The following MCTP2 variants were observed in gnomAD, a reference collection of about 807,000 sequenced individuals.
MCTP2 encodes the protein multiple C2 and transmembrane domain-containing protein 2.
In MCTP2, 132 loss-of-function variants were observed where a neutral mutation model predicts 111.6. That is an observed-to-expected ratio of 1.18 (90% confidence interval 1.03 to 1.37). MCTP2 has a LOEUF of 1.37. MCTP2 is among the 40% of genes most tolerant of loss of function. The probability of loss-of-function intolerance (pLI) is 0.00; values close to 1 mark genes in which losing one functional copy is unlikely to be tolerated. For synonymous variants in MCTP2, 395 were observed against 387.7 expected (o/e 1.02, Z -0.22); for missense variants, 1,183 against 1,067.9 (o/e 1.11, Z -1.50).
intron 1 of MCTP2, among the ~76,000 whole-genome samples, chr15:94,288,062 A>C (rs2074846560): frequency 6.6e-6 from 1 of 152,220 alleles, no homozygotes; most frequent in Non-Finnish European, 1.5e-5. Context: ...AGAAGCAAAA[A>C]TAATGGGTTA....
chr15:94,368,606 C>T (rs2079322334), intron 11 of MCTP2, among the ~76,000 whole-genome samples: 1 of 151,684 alleles, frequency 6.6e-6, no homozygotes, highest in South Asian at 2.1e-4. Flanking sequence ...TTGAATAATT[C>T]TGTATCTTCG....
At chr15:94,472,080 AAAG>A (rs1262569955) in intron 21 of MCTP2, among the ~76,000 whole-genome samples, 2 of 152,206 alleles carry the variant, frequency 1.3e-5, no homozygotes, top group South Asian at 2.1e-4. Context: ...TTCCTTCCAC[AAAG>A]AAGACTAATA....
At chr15:94,435,326 G>A (rs1184989131) in intron 17 of MCTP2, among the ~76,000 whole-genome samples, 2 of 152,060 alleles carry the variant, frequency 1.3e-5, no homozygotes, top group African/African-American at 2.4e-5. Context: ...ATTCTGTAAT[G>A]TTTCTTAATA....
intron 21 of MCTP2, among the ~76,000 whole-genome samples, chr15:94,475,866 C>A (rs941752607): frequency 6.6e-6 from 1 of 152,058 alleles, no homozygotes; most frequent in Admixed American, 6.5e-5. Context: ...CAAGGTGCAG[C>A]CACCAAAGAG....
At chr15:94,317,120 C>A (rs2076411053) in intron 4 of MCTP2, among the ~76,000 whole-genome samples, 1 of 152,092 alleles carries the variant, frequency 6.6e-6, no homozygotes, top group Non-Finnish European at 1.5e-5. Context: ...ACAATCCCAT[C>A]CCTTTTTGAG....
chr15:94,368,534 A>G (rs11854278), intron 11 of MCTP2, among the ~76,000 whole-genome samples: 4,810 of 152,280 alleles, frequency 0.032, 261 homozygotes, highest in African/African-American at 0.11. Flanking sequence ...CAATGGCACT[A>G]TCATTCTCAG....
At chr15:94,268,272 C>T (rs2073699388) in intron 1 of MCTP2, among the ~76,000 whole-genome samples, 1 of 151,424 alleles carries the variant, frequency 6.6e-6, no homozygotes, top group Admixed American at 6.6e-5. Flanking sequence ...CCTCCGCCTC[C>T]TGGGTTCCAG....
intron 17 of MCTP2, among the ~76,000 whole-genome samples, chr15:94,429,996 G>C (rs1231307959): frequency 6.6e-6 from 1 of 152,050 alleles, no homozygotes; most frequent in Non-Finnish European, 1.5e-5. Context: ...CAACTCCTCT[G>C]TCCCTACTTT....
At chr15:94,470,181 G>T in intron 20 of MCTP2, 152 bp from the exon 21 acceptor site, 1 of 584,004 alleles carries the variant, frequency 1.7e-6, no homozygotes, top group Non-Finnish European at 3.0e-6. Flanking sequence ...AATCATTTTG[G>T]CAGACTCTCA....
chr15:94,303,180 T>A (rs1282828230), intron 2 of MCTP2, among the ~76,000 whole-genome samples: 3 of 126,332 alleles, frequency 2.4e-5, no homozygotes, highest in Admixed American at 8.3e-5. Flanking sequence ...ACTAATGGAA[T>A]ATATATATAT....
At chr15:94,407,775 G>GCACACACACA (rs57851445) in intron 17 of MCTP2, among the ~76,000 whole-genome samples, 5 of 147,804 alleles carry the variant, frequency 3.4e-5, no homozygotes, top group South Asian at 2.2e-4. Context: ...ATGTACTTGT[G>GCACACACACA]CACACACACA....
At chr15:94,431,426 A>T (rs992475979) in intron 17 of MCTP2, among the ~76,000 whole-genome samples, 9 of 152,194 alleles carry the variant, frequency 5.9e-5, no homozygotes, top group Admixed American at 5.9e-4. Context: ...CAGTTAATGA[A>T]AGGTCTTAAC....
intron 19 of MCTP2, among the ~76,000 whole-genome samples, chr15:94,457,849 G>A (rs1035662568): frequency 2.0e-5 from 3 of 152,106 alleles, no homozygotes; most frequent in African/African-American, 4.8e-5. Context: ...TGCGAGGGAC[G>A]CGGCAGCCTC....
chr15:94,298,358 C>T lies in MCTP2; in HGVS notation c.93C>T (p.Asn31=), dbSNP rs780571577. ...TGAGCAAGAAGAAGGTGAAAAAGAACCCAAGTAAGCCCCCAGATCTACGGG... is the reference window on the plus strand; with the variant it reads ...TGAGCAAGAAGAAGGTGAAAAAGAATCCAAGTAAGCCCCCAGATCTACGGG... ...INLSKKKVKK[N]PSKPPDLRAR... Residue 31 remains asparagine, a synonymous_variant, in exon 2 of 23, where the codon AAC becomes AAT. Coordinates refer to ENST00000357742, the MANE Select transcript of MCTP2 (RefSeq NM_001385001.1). 3.1e-6 allele frequency: 5 copies of T among 1,614,128 alleles called. No individual in the cohort carries two copies. The highest frequency in any genetic ancestry group is 2.7e-5 in the African/African-American group (2 of 75,036).
At chr15:94,426,344 T>C (rs1177042989) in intron 17 of MCTP2, among the ~76,000 whole-genome samples, 1 of 152,144 alleles carries the variant, frequency 6.6e-6, no homozygotes, top group African/African-American at 2.4e-5. Context: ...AGTAAACCTT[T>C]CTCAGTGTGC....
At chr15:94,329,581 C>A (rs1023464659) in intron 4 of MCTP2, among the ~76,000 whole-genome samples, 1 of 152,094 alleles carries the variant, frequency 6.6e-6, no homozygotes, top group African/African-American at 2.4e-5. Flanking sequence ...CTTGAGAATT[C>A]GCTCACTGTC....
intron 2 of MCTP2, among the ~76,000 whole-genome samples, chr15:94,308,763 C>A (rs2075999285): frequency 6.6e-6 from 1 of 152,146 alleles, no homozygotes; most frequent in Non-Finnish European, 1.5e-5. Flanking sequence ...GCCTCTGTCA[C>A]AACTACTCAA....
chr15:94,399,974 C>T lies in MCTP2; in HGVS notation c.1944C>T (p.Asp648=), dbSNP rs1458094850. ...FTPREKRFVE[D]SRKLSKKILS... ...CCCGGGAAAAGCGCTTTGTTGAAGA[C>T]AGCCGCAAGCTGTCCAAAAAGGTGG... The change falls in exon 16 of 23, where the codon GAC becomes GAT. Residue 648 remains aspartate, a synonymous_variant. Transcript: ENST00000357742. 2 of 1,613,980 alleles carry T rather than the reference C, an allele frequency of 1.2e-6. No individual in the cohort carries two copies. The highest frequency in any genetic ancestry group is 1.7e-4 in the Middle Eastern group (1 of 6,054).
At chr15:94,464,242 AT>A (rs2085396248) in intron 20 of MCTP2, among the ~76,000 whole-genome samples, 1 of 50,588 alleles carries the variant, frequency 2.0e-5, no homozygotes, top group African/African-American at 7.6e-5. Context: ...TATATATAAT[AT>A]ATATATATAT....
Sources: allele counts gnomAD v4.1 joint callset (sites outside exome capture counted in the v4.1 genomes callset), GRCh38; gene constraint gnomAD v4.1.1; transcripts MANE v1.5; gene names NCBI Gene and HGNC (gene_info 2026-07-23, HGNC 2026-07-21).